Variants in VCAN observed in about 807,000 individuals in gnomAD.
VCAN encodes versican, also known as versican core protein.
Under a neutral mutation model 245.5 loss-of-function variants are expected in VCAN, and 44 were observed. That is an observed-to-expected ratio of 0.18 (90% CI 0.14 to 0.23). VCAN has a LOEUF of 0.23. VCAN is among the 10% of genes least tolerant of loss of function. The pLI is 1.00. For missense variants in VCAN, 3,793 were observed against 4,057.9 expected (o/e 0.93, Z 1.77); for synonymous variants, 1,413 against 1,437.0 (o/e 0.98, Z 0.38).
Position 83,484,491 on chromosome 5 carries a change from TCATC to T in VCAN, c.70+917_70+920del, listed in dbSNP as rs1215649615. ...TGCTTATCAACATCTATCCATGTAT[TCATC>T]CATCCATCCATCCTTCCATCCATCC... On this transcript the variant is annotated intron_variant, in intron 2 of 14. Transcript: ENST00000265077. Among the ~76,000 whole-genome samples the T allele has an allele frequency of 1.7e-4, 25 of 148,564 alleles. No individual in the cohort carries two copies. In the Middle Eastern group the frequency reaches 0.01, roughly 61 times the overall value.
At chr5:83,504,345 T>C (rs527517289) in intron 5 of VCAN, among the ~76,000 whole-genome samples, 3 of 152,302 alleles carry the variant, frequency 2.0e-5, no homozygotes, top group Non-Finnish European at 4.4e-5. Context: ...ATATTTTACA[T>C]GTACACTAAT....
intron 2 of VCAN, among the ~76,000 whole-genome samples, chr5:83,488,465 C>G (rs1744859507): frequency 6.6e-6 from 1 of 152,146 alleles, no homozygotes; most frequent in African/African-American, 2.4e-5. Flanking sequence ...GGTCTCTCAC[C>G]AGCCATCTGG....
At chr5:83,474,092 A>G (rs984114968) in intron 1 of VCAN, among the ~76,000 whole-genome samples, 1 of 152,058 alleles carries the variant, frequency 6.6e-6, no homozygotes, top group Non-Finnish European at 1.5e-5. Context: ...AAAACCCATG[A>G]CCACTTGAAC....
chr5:83,490,198 C>T lies in VCAN; in HGVS notation c.171C>T (p.Asn57=), dbSNP rs1744933361. The change falls in exon 3 of 15, where the codon AAC becomes AAT. Residue 57 remains asparagine (N), a synonymous_variant. Coordinates refer to ENST00000265077, the MANE Select transcript of VCAN (RefSeq NM_004385.5). Reference sequence around the variant, plus strand: ...TGCCTACTTTGCCACCCAGTTACAACACCAGTGAATTTCTCCGCATCAAAT... The same window carrying T: ...TGCCTACTTTGCCACCCAGTTACAATACCAGTGAATTTCTCCGCATCAAAT... ...STMPTLPPSY[N]TSEFLRIKWS... 6.2e-7 allele frequency: 1 copy of T among 1,614,172 alleles called. No individual in the cohort carries two copies.
intron 13 of VCAN, among the ~76,000 whole-genome samples, chr5:83,576,648 T>C (rs78079192): frequency 2.0e-5 from 3 of 152,044 alleles, no homozygotes; most frequent in African/African-American, 7.2e-5. Flanking sequence ...AAAGCCAAAT[T>C]TTTTTCCAAA....
intron 13 of VCAN, among the ~76,000 whole-genome samples, chr5:83,576,249 A>T (rs905334621): frequency 6.6e-6 from 1 of 152,060 alleles, no homozygotes; most frequent in African/African-American, 2.4e-5. Flanking sequence ...ATTATGATAT[A>T]CACTTGTTTC....
In VCAN at chr5:83,486,804, GC is replaced by G. The variant is rs1329191457; in HGVS notation, c.70+3217del. On this transcript the variant is annotated intron_variant, in intron 2 of 14. Coordinates refer to ENST00000265077, the MANE Select transcript of VCAN (RefSeq NM_004385.5). ...TATTATTAGATGTAATTAGTTTGGG[GC>G]TAATTTCAGGAGAATTTTTTTATAT... Among the ~76,000 whole-genome samples the G allele has an allele frequency of 2.6e-5, 4 of 152,214 alleles. No individual in the cohort carries two copies. In the East Asian group the frequency reaches 7.7e-4, roughly 29 times the overall value.
chr5:83,473,266 G>A (rs1365503854), intron 1 of VCAN, among the ~76,000 whole-genome samples: 1 of 152,194 alleles, frequency 6.6e-6, no homozygotes, highest in Admixed American at 6.5e-5. Context: ...CTGGGTGTTA[G>A]GCAGAGGAGA....
Position 83,538,370 on chromosome 5 carries a change from T to C in VCAN, c.5367T>C (p.Ser1789=). The C allele has an allele frequency of 6.2e-7, 1 of 1,614,098 alleles. No homozygotes were observed. Among genetic ancestry groups the C allele is most frequent in the South Asian group, 1.1e-5 (1 of 91,088 alleles). Residue 1789 remains serine (S), a synonymous_variant, in exon 8 of 15, where the codon TCT becomes TCC. Coordinates refer to ENST00000265077, the MANE Select transcript of VCAN (RefSeq NM_004385.5). ...PTQSEREMTD[S]TPVFTETNTL... is the part of the protein sequence containing the mutation. ...AGTCTGAAAGGGAAATGACAGATTC[T>C]ACTCCTGTCTTTACAGAAACAAATA...
chr5:83,473,779 C>G (rs1233863422), intron 1 of VCAN, among the ~76,000 whole-genome samples: 1 of 152,218 alleles, frequency 6.6e-6, no homozygotes, highest in Non-Finnish European at 1.5e-5. Context: ...CCAGACCAAG[C>G]GAGCATCTTT....
chr5:83,565,915 ACCT>A (rs1365327662), intron 12 of VCAN, among the ~76,000 whole-genome samples: 2 of 149,720 alleles, frequency 1.3e-5, no homozygotes, highest in Non-Finnish European at 3.0e-5. Context: ...GGAAAAAAAA[ACCT>A]CCTGGTTTAT....
intron 8 of VCAN, among the ~76,000 whole-genome samples, chr5:83,543,977 C>T (rs1747102021): frequency 6.6e-6 from 1 of 152,194 alleles, no homozygotes; most frequent in Non-Finnish European, 1.5e-5. Flanking sequence ...CACAGGAAGA[C>T]TCACTCACTC....
At chr5:83,496,570 AGAAACTT>A (rs1395551397) in intron 5 of VCAN, among the ~76,000 whole-genome samples, 1 of 152,252 alleles carries the variant, frequency 6.6e-6, no homozygotes, top group Non-Finnish European at 1.5e-5. Context: ...GTTTCATAGA[AGAAACTT>A]GACAATTCTG....
intron 7 of VCAN, among the ~76,000 whole-genome samples, chr5:83,532,042 G>A (rs193284545): frequency 3.0e-4 from 45 of 152,236 alleles, no homozygotes; most frequent in Admixed American, 9.2e-4. Context: ...AAGACTAAGA[G>A]CTTCATCTAA....
chr5:83,499,864 T>C (rs1291184927), intron 5 of VCAN, among the ~76,000 whole-genome samples: 1 of 152,238 alleles, frequency 6.6e-6, no homozygotes, highest in Non-Finnish European at 1.5e-5. Context: ...GTGCCTCACC[T>C]AGAACCAAAA....
Position 83,490,173 on chromosome 5 carries a change from T to C in VCAN, c.146T>C (p.Met49Thr), listed in dbSNP as rs747560101. 1.2e-6 allele frequency: 2 copies of C among 1,614,192 alleles called. No homozygotes were observed. Among genetic ancestry groups the C allele is most frequent in the African/African-American group, 1.3e-5 (1 of 75,048 alleles). The change falls in exon 3 of 15, where the codon ATG becomes ACG. Residue 49 changes from methionine (M) to threonine (T), a missense_variant. Met to Thr is a moderately conservative substitution (Grantham distance 81). Transcript: ENST00000265077. ...AGCCTACCTTGTCATTTTTCAACGA[T>C]GCCTACTTTGCCACCCAGTTACAAC... ...KVSLPCHFST[M>T]PTLPPSYNTS... is the part of the protein sequence containing the mutation.
intron 12 of VCAN, among the ~76,000 whole-genome samples, chr5:83,557,814 G>A (rs16900580): frequency 0.094 from 14,284 of 152,128 alleles, 1,771 homozygotes; most frequent in African/African-American, 0.29. Flanking sequence ...CTCTTAATTA[G>A]TTGGCACTTT....
At position 83,537,392 on chromosome 5, in the gene VCAN, T is replaced by C. The variant is rs1285131381; in HGVS notation, c.4389T>C (p.Thr1463=). ...PFVIAKTELS[T]AVQPNESTET... is the part of the protein sequence containing the mutation. ...TAATAGCCAAAACGGAATTGTCTAC[T>C]GCTGTGCAACCTAATGAATCTACAG... The change falls in exon 8 of 15, where the codon ACT becomes ACC. Residue 1463 remains threonine, a synonymous_variant. Transcript: ENST00000265077. The C allele has an allele frequency of 6.2e-7, 1 of 1,614,010 alleles. No homozygotes were observed. The highest frequency in any genetic ancestry group is 2.2e-5 in the East Asian group (1 of 44,874).
At chr5:83,566,805 G>A (rs1471386677) in intron 12 of VCAN, among the ~76,000 whole-genome samples, 1 of 152,166 alleles carries the variant, frequency 6.6e-6, no homozygotes, top group African/African-American at 2.4e-5. Flanking sequence ...TTGTGTTATT[G>A]TGAGACAGAA....
Sources: gnomAD v4.1 joint callset for allele counts (sites outside exome capture counted in the v4.1 genomes callset) on GRCh38, gnomAD v4.1.1 for gene constraint, MANE v1.5 for transcripts, NCBI Gene and HGNC (gene_info 2026-07-23, HGNC 2026-07-21) for gene names.